The following SYT14 variants were observed in gnomAD, a reference collection of about 807,000 sequenced individuals.
SYT14 encodes the protein synaptotagmin 14.
A neutral mutation model predicts 74.2 loss-of-function variants in SYT14; 32 were observed. The observed-to-expected ratio is 0.43, with a 90% CI of 0.33 to 0.58. The LOEUF is 0.58. Among genes scored for constraint, SYT14 ranks in the 20% least tolerant of loss-of-function variants. The pLI, the probability that SYT14 is intolerant of heterozygous loss-of-function variation, is 0.05. For missense variants in SYT14, 791 were observed against 981.8 expected (o/e 0.81, Z 2.60); for synonymous variants, 298 against 337.7 (o/e 0.88, Z 1.29).
At chr1:210,098,241 G>C (rs553694693) in intron 6 of SYT14, among the ~76,000 whole-genome samples, 1 of 151,408 alleles carries the variant, frequency 6.6e-6, no homozygotes, top group Non-Finnish European at 1.5e-5. Flanking sequence ...GCACTCTCCC[G>C]ACCTAAAATA....
At chr1:209,946,569 A>C (rs1231368776) in intron 1 of SYT14, among the ~76,000 whole-genome samples, 3 of 152,250 alleles carry the variant, frequency 2.0e-5, no homozygotes, top group African/African-American at 4.8e-5. Flanking sequence ...GAAGTGAAGA[A>C]GCTGCAGAAG....
intron 5 of SYT14, among the ~76,000 whole-genome samples, chr1:210,032,535 A>G (rs1304447074): frequency 6.6e-6 from 1 of 151,538 alleles, no homozygotes; most frequent in Non-Finnish European, 1.5e-5. Flanking sequence ...GCAGAGGAAA[A>G]CCTAGCTTGA....
At chr1:210,047,984 G>A (rs552325500) in intron 5 of SYT14, among the ~76,000 whole-genome samples, 1 of 152,134 alleles carries the variant, frequency 6.6e-6, no homozygotes, top group African/African-American at 2.4e-5. Context: ...TTTAAGTGGT[G>A]TGGTGTCCAC....
chr1:210,151,513 C>CCTTTT (rs397863025), intron 7 of SYT14, among the ~76,000 whole-genome samples: 3 of 131,306 alleles, frequency 2.3e-5, no homozygotes, highest in Non-Finnish European at 1.6e-5. Context: ...TGCCCCCCCC[C>CCTTTT]TTTTTTTTTT....
At chr1:210,086,329 C>G (rs1342531881) in intron 5 of SYT14, among the ~76,000 whole-genome samples, 4 of 152,252 alleles carry the variant, frequency 2.6e-5, no homozygotes, top group Middle Eastern at 3.4e-3. Flanking sequence ...ACGTACATAT[C>G]CCATTCCTCA....
At chr1:210,066,353 A>C (rs556538564) in intron 5 of SYT14, among the ~76,000 whole-genome samples, 121 of 152,158 alleles carry the variant, frequency 8.0e-4, no homozygotes, top group East Asian at 5.6e-3. Flanking sequence ...ACAGTGTAAA[A>C]GTGTTCCTAT....
intron 7 of SYT14, among the ~76,000 whole-genome samples, chr1:210,136,336 G>A (rs895376421): frequency 3.3e-5 from 5 of 152,126 alleles, no homozygotes; most frequent in Non-Finnish European, 7.4e-5. Context: ...AGGGAACGGG[G>A]TCAGTGATTT....
chr1:210,124,562 G>A (rs1398103375), intron 7 of SYT14, among the ~76,000 whole-genome samples: 1 of 152,164 alleles, frequency 6.6e-6, no homozygotes, highest in Non-Finnish European at 1.5e-5. Flanking sequence ...ACCCCCTGAT[G>A]ACATAAAAAT....
chr1:210,077,736 C>T (rs761182623), intron 5 of SYT14, among the ~76,000 whole-genome samples: 6 of 152,076 alleles, frequency 3.9e-5, no homozygotes, highest in Non-Finnish European at 7.4e-5. Flanking sequence ...TTTTTCATAC[C>T]TACCGATACT....
At position 210,134,542 on chromosome 1, in the gene SYT14, A is replaced by G. The variant is rs566649546; in HGVS notation, c.2035-21179A>G. On this transcript the variant is annotated intron_variant, in intron 7 of 9. Coordinates refer to ENST00000637265, the Ensembl canonical transcript of SYT14. ...TGAGTTTCTTGCCTTAGTTGAACACATACTTAAATCATTTGTAAAACACTT... is the reference window on the plus strand; with the variant it reads ...TGAGTTTCTTGCCTTAGTTGAACACGTACTTAAATCATTTGTAAAACACTT... 1.6e-3 allele frequency among the ~76,000 whole-genome samples: 243 copies of G among 152,308 alleles called. 4 individuals are homozygous for G. In the South Asian group the frequency reaches 0.024, roughly 15 times the overall value.
exon 10 of SYT14, chr1:210,165,442 C>T (rs1329803090): frequency 2.0e-5 from 3 of 152,016 alleles, no homozygotes. Flanking sequence ...TTTATTCTAC[C>T]AGTTTAGCCT....
intron 7 of SYT14, among the ~76,000 whole-genome samples, chr1:210,105,827 T>A (rs1054140596): frequency 1.3e-5 from 2 of 152,130 alleles, no homozygotes; most frequent in Non-Finnish European, 2.9e-5. Context: ...TCTGATTGTT[T>A]AAAGGTCTGT....
At chr1:210,032,660 A>T (rs1448767786) in intron 5 of SYT14, among the ~76,000 whole-genome samples, 1 of 151,590 alleles carries the variant, frequency 6.6e-6, no homozygotes, top group African/African-American at 2.4e-5. Flanking sequence ...CCAGTAAAAA[A>T]AAAAAACCCA....
intron 2 of SYT14, among the ~76,000 whole-genome samples, chr1:209,977,876 C>T (rs1219908109): frequency 6.6e-6 from 1 of 152,182 alleles, no homozygotes; most frequent in Admixed American, 6.5e-5. Context: ...TTCACATAGT[C>T]CCATATTTCT....
intron 2 of SYT14, among the ~76,000 whole-genome samples, chr1:209,978,404 T>C (rs866851736): frequency 1.3e-5 from 2 of 151,492 alleles, no homozygotes; most frequent in East Asian, 1.9e-4. Context: ...CCTTTCTGTT[T>C]GTTAGTTTTC....
intron 5 of SYT14, among the ~76,000 whole-genome samples, chr1:210,091,169 C>T (rs2081858966): frequency 6.6e-6 from 1 of 152,170 alleles, no homozygotes; most frequent in Non-Finnish European, 1.5e-5. Context: ...GCAAGAGTTA[C>T]ACTAAATCTA....
At chr1:210,134,563 C>T (rs190197448) in intron 7 of SYT14, among the ~76,000 whole-genome samples, 3 of 152,228 alleles carry the variant, frequency 2.0e-5, no homozygotes, top group Admixed American at 2.0e-4. Flanking sequence ...ATTTGTAAAA[C>T]ACTTCAACTG....
intron 6 of SYT14, among the ~76,000 whole-genome samples, chr1:210,096,030 G>A (rs1446129853): frequency 6.6e-6 from 1 of 152,138 alleles, no homozygotes; most frequent in African/African-American, 2.4e-5. Flanking sequence ...ACTTGTGTCA[G>A]GAATTTTGCT....
intron 4 of SYT14, among the ~76,000 whole-genome samples, chr1:210,019,880 C>A (rs1004896417): frequency 2.0e-5 from 3 of 152,202 alleles, no homozygotes; most frequent in Admixed American, 6.5e-5. Flanking sequence ...AAAGTGGTTA[C>A]CTTTTTAAAA....
Sources: allele counts gnomAD v4.1 joint callset (sites outside exome capture counted in the v4.1 genomes callset), GRCh38; gene constraint gnomAD v4.1.1; transcripts MANE v1.5; gene names NCBI Gene and HGNC (gene_info 2026-07-23, HGNC 2026-07-21).